Variants in DUOXA1 observed in about 807,000 individuals in gnomAD.
DUOXA1 encodes the protein dual oxidase maturation factor 1.
A neutral mutation model predicts 26.6 loss-of-function variants in DUOXA1; 19 were observed. The observed-to-expected ratio is 0.71, with a 90% CI of 0.50 to 1.05. DUOXA1 has a LOEUF of 1.05. Among genes scored for constraint, DUOXA1 ranks in the 50% least tolerant of loss-of-function variants. DUOXA1 has a pLI of 0.00. For missense variants in DUOXA1, 403 were observed against 427.5 expected (o/e 0.94, Z 0.51); for synonymous variants, 166 against 177.0 (o/e 0.94, Z 0.49).
Position 45,120,104 on chromosome 15 carries a change from T to C in DUOXA1, c.771A>G (p.Thr257=). ...HGPAFWITLT[T]GLLCVLLGLA... Reference sequence around the variant, plus strand: ...CTTGTCTTTAGGGCTGGGTCTTACCTGTGGTCAATGTGATCCAGAAGGCAG... The same window carrying C: ...CTTGTCTTTAGGGCTGGGTCTTACCCGTGGTCAATGTGATCCAGAAGGCAG... Residue 257 remains threonine (T), a splice_region_variant and synonymous_variant, in exon 8 of 9, where the codon ACA becomes ACG. Coordinates refer to ENST00000560572, the MANE Select transcript of DUOXA1 (RefSeq NM_001276266.2). The C allele has an allele frequency of 1.9e-6, 3 of 1,613,816 alleles. No individual in the cohort carries two copies. Among genetic ancestry groups the C allele is most frequent in the Non-Finnish European group, 2.5e-6 (3 of 1,179,990 alleles).
intron 7 of DUOXA1, 35 bp downstream of exon 7, chr15:45,120,557 C>T (rs1895087270): frequency 6.2e-7 from 1 of 1,605,476 alleles, no homozygotes. Flanking sequence ...ATCTAGGCTA[C>T]CAGGGCCTCC....
intron 3 of DUOXA1, among the ~76,000 whole-genome samples, chr15:45,127,412 A>G (rs1489838084): frequency 6.6e-6 from 1 of 152,252 alleles, no homozygotes; most frequent in Non-Finnish European, 1.5e-5. Context: ...TAAGTATAGA[A>G]CAATGTTAAC....
At chr15:45,120,367 G>A (rs1428122320) in intron 7 of DUOXA1, 47 bp from the exon 8 acceptor site, 1 of 1,608,640 alleles carries the variant, frequency 6.2e-7, no homozygotes. Flanking sequence ...ACTTCTACCT[G>A]CTGGTGAATT....
At chr15:45,123,396 C>A (rs1467996336) in intron 3 of DUOXA1, among the ~76,000 whole-genome samples, 1 of 152,186 alleles carries the variant, frequency 6.6e-6, no homozygotes, top group East Asian at 1.9e-4. Context: ...AGGCCCCTAG[C>A]ACAGATAGAT....
intron 3 of DUOXA1, among the ~76,000 whole-genome samples, chr15:45,126,526 C>G (rs996669969): frequency 1.3e-5 from 2 of 152,236 alleles, no homozygotes; most frequent in Non-Finnish European, 2.9e-5. Flanking sequence ...TTTGAACATT[C>G]TGATTGCATT....
At chr15:45,123,684 G>C (rs1352890638) in intron 3 of DUOXA1, among the ~76,000 whole-genome samples, 1 of 152,150 alleles carries the variant, frequency 6.6e-6, no homozygotes. Flanking sequence ...GCACTGAAGG[G>C]GCACCTGCCC....
chr15:45,119,232 G>A lies in DUOXA1; in HGVS notation c.906C>T (p.Leu302=). 1.2e-6 allele frequency: 2 copies of A among 1,614,144 alleles called. No homozygotes were observed. The highest frequency in any genetic ancestry group is 2.2e-5 in the East Asian group (1 of 44,884). ...CCATGGACCGGTAGCGGGGGCTCAG[G>A]AGTCCACCTTCCTCAGGACTCCACT... ...MLEWSPEEGG[L]LSPRYRSMAD... The change falls in exon 9 of 9, where the codon CTC becomes CTT. Residue 302 remains leucine (L), a synonymous_variant. Transcript: ENST00000560572.
chr15:45,118,947 T>C lies in DUOXA1; in HGVS notation c.*159A>G. On this transcript the variant is annotated 3_prime_UTR_variant, in exon 9 of 9. Coordinates refer to ENST00000560572, the MANE Select transcript of DUOXA1 (RefSeq NM_001276266.2). ...GGGCTTTTTGTTTTGTTTTGTTTTT[T>C]AACATCAGTATATAGAGCCTCCTTT... The C allele has an allele frequency of 7.4e-7, 1 of 1,358,974 alleles. No homozygotes were observed. The highest frequency in any genetic ancestry group is 1.5e-5 in the African/African-American group (1 of 68,400). 84.2% of individuals were successfully genotyped at this position (1,358,974 alleles called of 1,614,324 possible).
At position 45,123,193 on chromosome 15, in the gene DUOXA1, G is replaced by A. The variant is rs1043744767; in HGVS notation, c.-29-150C>T. ...ATCATCAGACTCTGCTATTACCACCGTTCCACTGCCCCTCAGCCATCCATC... is the reference window on the plus strand; with the variant it reads ...ATCATCAGACTCTGCTATTACCACCATTCCACTGCCCCTCAGCCATCCATC... On this transcript the variant is annotated intron_variant, in intron 3 of 8. Coordinates refer to ENST00000560572, the MANE Select transcript of DUOXA1 (RefSeq NM_001276266.2). 7.7e-5 allele frequency: 55 copies of A among 713,188 alleles called. 1 individual carries two copies. The highest frequency in any genetic ancestry group is 4.7e-4 in the African/African-American group (25 of 53,426). The allele number at this position is 713,188 out of a possible 1,614,324, so 44.2% of individuals were successfully genotyped here.
intron 6 of DUOXA1, 30 bp downstream of exon 6, chr15:45,121,057 C>T (rs1199842446): frequency 1.2e-6 from 2 of 1,613,564 alleles, no homozygotes; most frequent in Admixed American, 1.7e-5. Flanking sequence ...AGAGCCTTCC[C>T]CCCCACCACA....
intron 8 of DUOXA1, 123 bp downstream of exon 8, chr15:45,119,980 T>A: frequency 2.7e-6 from 3 of 1,128,010 alleles, no homozygotes; most frequent in Non-Finnish European, 3.9e-6. Context: ...GGTGGGACTT[T>A]AAAGAGGGCA....
At chr15:45,119,437 T>C in intron 8 of DUOXA1, 72 bp from the exon 9 acceptor site, 1 of 1,501,562 alleles carries the variant, frequency 6.7e-7, no homozygotes. Context: ...CCCCTGGGAG[T>C]GTCAGAACAA....
rs1595569934 is a variant in DUOXA1 at position 45,129,806 on chromosome 15, C to G, written c.-303+46G>C. The stretch of plus-strand genomic sequence containing the variant: ...ACCGCACTAGCCGGGCCTTCGGCAC[C>G]GACGGAACATCTCTACCTGCGCCCC... On this transcript the variant is annotated intron_variant, in intron 1 of 8. Transcript: ENST00000560572. This position sits in a 1 kb window ranked among gnomAD's most constrained non-coding sequence, Gnocchi z 4.1. The G allele has an allele frequency of 6.6e-6, 1 of 152,276 alleles. No individual in the cohort carries two copies. Among genetic ancestry groups the G allele is most frequent in the Non-Finnish European group, 1.5e-5 (1 of 68,084 alleles). 9.4% of individuals were successfully genotyped at this position (152,276 alleles called of 1,614,324 possible).
chr15:45,120,720 A>G lies in DUOXA1; in HGVS notation c.426T>C (p.Tyr142=), dbSNP rs1895113369. The G allele has an allele frequency of 6.2e-7, 1 of 1,614,026 alleles. No individual in the cohort carries two copies. Among genetic ancestry groups the G allele is most frequent in the Non-Finnish European group, 8.5e-7 (1 of 1,179,986 alleles). Residue 142 remains tyrosine (Y), a synonymous_variant, in exon 7 of 9, where the codon TAT becomes TAC. Transcript: ENST00000560572. ...GCAGCCCCTTCTCCAGAGCCTTTGC[A>G]TACTCCTCAGCATAGTTCTCACCCA... ...WRLGENYAEE[Y]AKALEKGLPD...
chr15:45,122,936 T>C lies in DUOXA1; in HGVS notation c.79A>G (p.Ile27Val). The change falls in exon 4 of 9, where the codon ATC becomes GTC. Residue 27 changes from isoleucine (I) to valine (V), a missense_variant. By Grantham distance (29) the Ile-to-Val change is conservative (BLOSUM62 3). Transcript: ENST00000560572. ...TFPMDTTLASIIMIFLTALAT... is the reference protein window; with the variant it reads ...TFPMDTTLASVIMIFLTALAT... ...AGTGCAGTCAGAAAGATCATGATGA[T>C]GCTGGCCAAAGTGGTGTCCATCGGG... 6.2e-7 allele frequency: 1 copy of C among 1,613,542 alleles called. No individual in the cohort carries two copies. The highest frequency in any genetic ancestry group is 8.5e-7 in the Non-Finnish European group (1 of 1,179,802).
chr15:45,125,702 C>T (rs1018593031), intron 3 of DUOXA1, among the ~76,000 whole-genome samples: 2 of 152,194 alleles, frequency 1.3e-5, no homozygotes, highest in Non-Finnish European at 2.9e-5. Flanking sequence ...ACACCATGTT[C>T]TCCAGGGGCT....
rs1035643456 is a variant in DUOXA1 at position 45,117,481 on chromosome 15, G to T, written c.*1625C>A. The T allele has an allele frequency of 6.4e-7, 1 of 1,550,916 alleles. No individual in the cohort carries two copies. The highest frequency in any genetic ancestry group is 8.7e-7 in the Non-Finnish European group (1 of 1,146,316). ...TTACAGATGAAAAGTGGGGGGCTCA[G>T]AAGGGTTTGGTGTCTTGCCGTGTTT... On this transcript the variant is annotated 3_prime_UTR_variant, in exon 9 of 9. Transcript: ENST00000560572.
intron 4 of DUOXA1, 23 bp from the exon 5 acceptor site, chr15:45,122,265 T>C (rs1895287658): frequency 6.3e-7 from 1 of 1,591,908 alleles, no homozygotes; most frequent in African/African-American, 1.3e-5. Context: ...GTAGGTGGGT[T>C]AAGTAAAGAG....
Position 45,121,095 on chromosome 15 carries a change from G to A in DUOXA1, c.332C>T (p.Thr111Ile), listed in dbSNP as rs1345347561. 1 of 1,614,020 alleles carries A rather than the reference G, an allele frequency of 6.2e-7. No homozygotes were observed. Among genetic ancestry groups the A allele is most frequent in the Non-Finnish European group, 8.5e-7 (1 of 1,180,036 alleles). ...TAAGAGCCCTCCCTCACCTGTGAGT[G>A]TGATGTTGACTCCACCCAGCCCGAC... ...LQVGLGGVNITLTGTPVQQLN... is the reference protein window; with the variant it reads ...LQVGLGGVNIILTGTPVQQLN... Residue 111 changes from threonine (T) to isoleucine (I), a missense_variant, in exon 6 of 9, where the codon ACA becomes ATA. Thr to Ile is a moderately conservative substitution (Grantham distance 89, BLOSUM62 -1). Transcript: ENST00000560572.
Sources: gnomAD v4.1 joint callset for allele counts (sites outside exome capture counted in the v4.1 genomes callset) on GRCh38, gnomAD v4.1.1 for gene constraint, Gnocchi (gnomAD v3.1) non-coding constraint, MANE v1.5 for transcripts, NCBI Gene and HGNC (gene_info 2026-07-23, HGNC 2026-07-21) for gene names.